Variants in TRNT1 observed in about 807,000 individuals in gnomAD.
The protein encoded by TRNT1 is CCA tRNA nucleotidyltransferase 1, mitochondrial.
Under a neutral mutation model 45.6 loss-of-function variants are expected in TRNT1, and 44 were observed. That is an observed-to-expected ratio of 0.97 (90% CI 0.76 to 1.24). The LOEUF (loss-of-function observed/expected upper bound fraction) is 1.24. Ranked by LOEUF, TRNT1 falls within the 50% of genes most tolerant of loss-of-function variation. The probability of loss-of-function intolerance (pLI) is 0.00; values close to 1 mark genes in which losing one functional copy is unlikely to be tolerated. For missense variants in TRNT1, 633 were observed against 504.4 expected (o/e 1.25, Z -2.44); for synonymous variants, 201 against 171.4 (o/e 1.17, Z -1.35).
At chr3:3,129,591 G>C (rs911148598) in intron 2 of TRNT1, 5 of 475,752 alleles carry the variant, frequency 1.1e-5, no homozygotes, top group Admixed American at 7.1e-5. Context: ...CAAAAAAAGA[G>C]AAAGGAATAT....
At chr3:3,143,685 C>T (rs1705802621) in intron 4 of TRNT1, among the ~76,000 whole-genome samples, 1 of 128,686 alleles carries the variant, frequency 7.8e-6, no homozygotes, top group Admixed American at 7.7e-5. Context: ...CGAGACCAGC[C>T]TGGCCCACTT....
intron 3 of TRNT1, among the ~76,000 whole-genome samples, chr3:3,139,614 A>G (rs1705522714): frequency 6.6e-6 from 1 of 151,968 alleles, no homozygotes. Context: ...TGCATGTACA[A>G]ACCCTGCTGC....
intron 3 of TRNT1, among the ~76,000 whole-genome samples, chr3:3,139,359 T>C (rs1025191381): frequency 3.3e-5 from 5 of 152,370 alleles, no homozygotes; most frequent in Non-Finnish European, 7.3e-5. Context: ...AGATGTAGCT[T>C]GTATTTAGAG....
rs1350590530 is a variant in TRNT1 at position 3,147,626 on chromosome 3, G to A, written c.979G>A (p.Val327Ile). Residue 327 changes from valine (V) to isoleucine (I), a missense_variant, in exon 7 of 8, where the codon GTT becomes ATT. Val to Ile is a conservative substitution (Grantham distance 29). Transcript: ENST00000251607. ...KEEKNLGLFIVKNRKDLIKAT... is the reference protein window; with the variant it reads ...KEEKNLGLFIIKNRKDLIKAT... ...GGAGAAAAACCTTGGCTTATTTATAGTTAAAAATAGGAAAGATTTAATTAA... is the reference window on the plus strand; with the variant it reads ...GGAGAAAAACCTTGGCTTATTTATAATTAAAAATAGGAAAGATTTAATTAA... 6 of 1,613,676 alleles carry A rather than the reference G, an allele frequency of 3.7e-6. No homozygotes were observed. The highest frequency in any genetic ancestry group is 4.2e-6 in the Non-Finnish European group (5 of 1,179,782).
chr3:3,132,900 A>C (rs939195240), intron 2 of TRNT1, among the ~76,000 whole-genome samples: 1 of 152,092 alleles, frequency 6.6e-6, no homozygotes, highest in Non-Finnish European at 1.5e-5. Flanking sequence ...TCTAAAGTTG[A>C]CTTTTTCTAG....
chr3:3,141,428 A>G (rs1313379670), intron 4 of TRNT1, among the ~76,000 whole-genome samples: 2 of 152,206 alleles, frequency 1.3e-5, no homozygotes, highest in East Asian at 3.9e-4. Flanking sequence ...TCCCTGGCAA[A>G]CAATGGTGAA....
At position 3,146,598 on chromosome 3, in the gene TRNT1, TG is replaced by T. The variant is rs1433432612; in HGVS notation, c.778del (p.Asp260IlefsTer8). 6.2e-7 allele frequency: 1 copy of T among 1,612,626 alleles called. No homozygotes were observed. The highest frequency in any genetic ancestry group is 8.5e-7 in the Non-Finnish European group (1 of 1,179,394). On this transcript the variant is annotated frameshift_variant, in exon 6 of 8. Transcript: ENST00000251607. LOFTEE classifies it high-confidence loss of function. ...HVNHLIHLIY[D>X]LDVAPYIGLP... ...TAAATCATTTGATTCACCTTATCTA[TG>T]ATCTTGATGTGGCTCCTTATATAGG...
intron 2 of TRNT1, chr3:3,136,638 G>A (rs186743): frequency 0.69 from 295,052 of 427,726 alleles, 107,183 homozygotes; most frequent in Middle Eastern, 0.83. Flanking sequence ...AGAATTGTTT[G>A]ATTTACTTTC....
chr3:3,141,340 T>C (rs927611397), intron 4 of TRNT1, among the ~76,000 whole-genome samples: 2 of 151,776 alleles, frequency 1.3e-5, no homozygotes, highest in Non-Finnish European at 2.9e-5. Flanking sequence ...CACACACATC[T>C]ACACACACAC....
At position 3,144,576 on chromosome 3, in the gene TRNT1, A is replaced by T; in HGVS notation, c.482-8A>T. 6.4e-7 allele frequency: 1 copy of T among 1,572,204 alleles called. No homozygotes were observed. The highest frequency in any genetic ancestry group is 8.6e-7 in the Non-Finnish European group (1 of 1,158,136). On this transcript the variant is annotated splice_region_variant and splice_polypyrimidine_tract_variant and intron_variant, in intron 4 of 7. Coordinates refer to ENST00000251607, the MANE Select transcript of TRNT1 (RefSeq NM_182916.3). The stretch of plus-strand genomic sequence containing the variant: ...AGTGATTTTTCTCCCTCCTTTTCTA[A>T]TGAATAGGTTTTGATGGCACTTTAT...
chr3:3,152,501 A>C, downstream of TRNT1: 1 of 1,614,028 alleles, frequency 6.2e-7, no homozygotes, highest in Non-Finnish European at 8.5e-7. Flanking sequence ...TATCAGATTC[A>C]AGTTGCAAGC....
intron 2 of TRNT1, 71 bp from the exon 3 acceptor site, chr3:3,137,189 C>T: frequency 7.8e-7 from 1 of 1,277,220 alleles, no homozygotes; most frequent in Non-Finnish European, 1.1e-6. Context: ...AAGCCTTGTA[C>T]TTTTGTGGTT....
intron 2 of TRNT1, among the ~76,000 whole-genome samples, chr3:3,133,519 C>G (rs1016077015): frequency 2.6e-5 from 4 of 151,648 alleles, no homozygotes; most frequent in African/African-American, 7.3e-5. Flanking sequence ...GGTGGTGCCA[C>G]TGCACTCCAG....
Position 3,146,538 on chromosome 3 carries a change from G to A in TRNT1, c.717G>A (p.Trp239Ter). ...GLAGISGERI[W>*]VELKKILVGN... ...CTGGAATATCAGGAGAAAGGATTTGGGTGGAACTGAAAAAAATTCTTGTTG... is the reference window on the plus strand; with the variant it reads ...CTGGAATATCAGGAGAAAGGATTTGAGTGGAACTGAAAAAAATTCTTGTTG... Residue 239 changes from tryptophan (W) to a stop codon, truncating the protein, a stop_gained, in exon 6 of 8, where the codon TGG becomes TGA. Transcript: ENST00000251607. LOFTEE classifies it high-confidence loss of function. 1.2e-6 allele frequency: 2 copies of A among 1,613,934 alleles called. No individual in the cohort carries two copies. Among genetic ancestry groups the A allele is most frequent in the South Asian group, 2.2e-5 (2 of 91,058 alleles).
chr3:3,138,017 T>C (rs1705433007), intron 3 of TRNT1, among the ~76,000 whole-genome samples: 1 of 152,232 alleles, frequency 6.6e-6, no homozygotes, highest in Non-Finnish European at 1.5e-5. Context: ...GCTATAGAGT[T>C]CCTCTCAAAA....
downstream of TRNT1, chr3:3,152,381 G>C: frequency 6.9e-7 from 1 of 1,459,438 alleles, no homozygotes; most frequent in East Asian, 2.3e-5. Context: ...TGGCAACTCT[G>C]CTTAGGACTC....
rs74867815 is a variant in TRNT1 at position 3,145,479 on chromosome 3, G to A, written c.608+769G>A. The A allele has an allele frequency of 2.7e-5, 4 of 145,480 alleles. No homozygotes were observed. The South Asian group carries it at 8.9e-4, about 32-fold the overall frequency. The allele number at this position is 145,480 out of a possible 1,614,324, so 9.0% of individuals were successfully genotyped here. The stretch of plus-strand genomic sequence containing the variant: ...GATCGTGCCACCGCACTCCAGCCTG[G>A]GCGACAGAGCGAGACTCCATCTCAA... On this transcript the variant is annotated intron_variant, in intron 5 of 7. Transcript: ENST00000251607.
chr3:3,133,569 T>A (rs4263273), intron 2 of TRNT1, among the ~76,000 whole-genome samples: 5,318 of 148,330 alleles, frequency 0.036, 170 homozygotes, highest in African/African-American at 0.084. Context: ...AAAAAAAAAA[T>A]GAGAGACTAT....
chr3:3,140,862 C>T, intron 4 of TRNT1: 1 of 427,706 alleles, frequency 2.3e-6, no homozygotes, highest in Non-Finnish European at 4.3e-6. Flanking sequence ...GCAGGCGGAT[C>T]ATGGGGTCAG....
Sources: gnomAD v4.1 joint callset for allele counts (sites outside exome capture counted in the v4.1 genomes callset) on GRCh38, gnomAD v4.1.1 for gene constraint, MANE v1.5 for transcripts, NCBI Gene and HGNC (gene_info 2026-07-23, HGNC 2026-07-21) for gene names.